Variants in ONECUT3 observed in about 807,000 individuals in gnomAD.
The protein encoded by ONECUT3 is one cut domain family member 3.
ONECUT3 carries 11 observed loss-of-function variants against 16.8 expected under a neutral mutation model. The observed-to-expected ratio is 0.66, with a 90% CI of 0.41 to 1.09. ONECUT3 has a LOEUF of 1.09. Among genes scored for constraint, ONECUT3 ranks in the 50% least tolerant of loss-of-function variants. The pLI is 0.00. For missense variants in ONECUT3, 637 were observed against 629.9 expected, an observed-to-expected ratio of 1.01 and a Z score of -0.12; for synonymous variants, 344 against 310.7, an observed-to-expected ratio of 1.11 and a Z score of -1.13.
chr19:1,757,738 G>C (rs376688222), intron 1 of ONECUT3, among the ~76,000 whole-genome samples: 23 of 152,250 alleles, frequency 1.5e-4, no homozygotes, highest in African/African-American at 5.5e-4. Context: ...CTTTAGTTCC[G>C]GTCGCTGCGC....
chr19:1,770,255 G>A (rs893989489), intron 1 of ONECUT3, among the ~76,000 whole-genome samples: 1 of 152,094 alleles, frequency 6.6e-6, no homozygotes, highest in Admixed American at 6.6e-5. Context: ...ATATATATAT[G>A]TTTGTGGGGG....
intron 1 of ONECUT3, among the ~76,000 whole-genome samples, chr19:1,757,477 C>A (rs1221825384): frequency 6.6e-6 from 1 of 152,260 alleles, no homozygotes; most frequent in Non-Finnish European, 1.5e-5. Flanking sequence ...GCACCCCGAG[C>A]CTCCCGCAGG....
At chr19:1,761,602 G>A (rs1463262487) in intron 1 of ONECUT3, among the ~76,000 whole-genome samples, 1 of 152,250 alleles carries the variant, frequency 6.6e-6, no homozygotes, top group Non-Finnish European at 1.5e-5. Flanking sequence ...GCTGTTAGGA[G>A]GGAGGCTGAG....
rs1216958900 is a variant in ONECUT3, at chr19:1,759,801, G to C, written c.1192+4947G>C. 6.6e-6 allele frequency among the ~76,000 whole-genome samples: 1 copy of C among 152,160 alleles called. No individual in the cohort carries two copies. Among genetic ancestry groups the C allele is most frequent in the Non-Finnish European group, 1.5e-5 (1 of 68,028 alleles). ...GGTATGAGGGGCTGGAGGGGCTCAG[G>C]GGTCTGAAGGGGCCACCGTAGGTTT... On this transcript the variant is annotated intron_variant, in intron 1 of 1. Coordinates refer to ENST00000382349, the MANE Select transcript of ONECUT3 (RefSeq NM_001080488.2). The surrounding 1 kb of genome is among the most constrained non-coding windows in gnomAD (Gnocchi z 4.1).
At chr19:1,763,835 G>A (rs1030212204) in intron 1 of ONECUT3, among the ~76,000 whole-genome samples, 3 of 150,538 alleles carry the variant, frequency 2.0e-5, no homozygotes, top group Non-Finnish European at 4.4e-5. Flanking sequence ...TTTGCCGGCC[G>A]CCTAGTACTC....
In ONECUT3 at chr19:1,776,158, G is replaced by C. The variant is rs1422288611; in HGVS notation, c.*713G>C. ...CGGCGGGCGCCCAGCACCTACGGGC[G>C]AGCACCCTTCCCACCCCATCCCAGG... On this transcript the variant is annotated 3_prime_UTR_variant, in exon 2 of 2. Transcript: ENST00000382349. This position sits in a 1 kb window ranked among gnomAD's most constrained non-coding sequence, Gnocchi z 4.9. The C allele has an allele frequency of 6.6e-6, 1 of 151,914 alleles. No homozygotes were observed. Among genetic ancestry groups the C allele is most frequent in the Non-Finnish European group, 1.5e-5 (1 of 68,018 alleles). 9.4% of individuals were successfully genotyped at this position (151,914 alleles called of 1,614,324 possible). A position where few individuals can be genotyped will look rare whatever the true frequency, so the allele number is the denominator to read the frequency against.
chr19:1,758,448 G>A lies in ONECUT3; in HGVS notation c.1192+3594G>A, dbSNP rs911471557. ...GGTAGGACTTGGGAGAGGGGAATAG[G>A]TGTTTTCCTTGTTTCACCAAAGCAC... On this transcript the variant is annotated intron_variant, in intron 1 of 1. Coordinates refer to ENST00000382349, the MANE Select transcript of ONECUT3 (RefSeq NM_001080488.2). The surrounding 1 kb of genome is among the most constrained non-coding windows in gnomAD (Gnocchi z 5.9). Among the ~76,000 whole-genome samples, 5 of 152,132 alleles carry A rather than the reference G, an allele frequency of 3.3e-5. No homozygotes were observed. The highest frequency in any genetic ancestry group is 5.9e-5 in the Non-Finnish European group (4 of 68,016).
intron 1 of ONECUT3, among the ~76,000 whole-genome samples, chr19:1,773,048 T>C (rs1388480969): frequency 6.6e-6 from 1 of 152,134 alleles, no homozygotes; most frequent in Non-Finnish European, 1.5e-5. Flanking sequence ...GGAATTATTT[T>C]ACTCTGGCTG....
At chr19:1,772,860 A>ATTTT (rs759006591) in intron 1 of ONECUT3, among the ~76,000 whole-genome samples, 4 of 107,212 alleles carry the variant, frequency 3.7e-5, no homozygotes, top group African/African-American at 3.9e-5. Context: ...CGTCCAGCTA[A>ATTTT]TTTTTTTTTT....
intron 1 of ONECUT3, among the ~76,000 whole-genome samples, chr19:1,769,100 GAGGAGA>G (rs1380229601): frequency 3.7e-4 from 55 of 150,188 alleles, no homozygotes; most frequent in Admixed American, 9.3e-4. Flanking sequence ...GGTGATGGAG[GAGGAGA>G]TGCTGGAGGT....
Position 1,754,430 on chromosome 19 carries a change from G to C in ONECUT3, c.768G>C (p.Glu256Asp), listed in dbSNP as rs2067905624. ...ACGCCGCGCTGCTGGGACGCGCGGA[G>C]GACGCACTGGCCCGCGGGCTGCCCG... ...EPHAALLGRA[E>D]DALARGLPGG... Residue 256 changes from glutamate (E) to aspartate (D), a missense_variant, in exon 1 of 2, where the codon GAG (glutamate) becomes GAC (aspartate). Around this residue, in one of 3 missense-constraint regions of ONECUT3, gnomAD observed 419 missense variants for 377.9 expected, o/e 1.11. Coordinates refer to ENST00000382349, the MANE Select transcript of ONECUT3 (RefSeq NM_001080488.2). This position sits in a 1 kb window ranked among gnomAD's most constrained non-coding sequence, Gnocchi z 7.4. 2 of 1,034,950 alleles carry C rather than the reference G, an allele frequency of 1.9e-6. No homozygotes were observed. The highest frequency in any genetic ancestry group is 3.5e-5 in the African/African-American group (2 of 57,476). 64.1% of individuals were successfully genotyped at this position (1,034,950 alleles called of 1,614,324 possible).
chr19:1,772,716 G>A (rs1355604609), intron 1 of ONECUT3, among the ~76,000 whole-genome samples: 2 of 85,086 alleles, frequency 2.4e-5, no homozygotes, highest in Non-Finnish European at 4.5e-5. Flanking sequence ...TTTTTGAGAT[G>A]GAGTTTCACT....
chr19:1,778,448 C>A lies in ONECUT3; in HGVS notation c.*3003C>A, dbSNP rs1600369496. 6.6e-6 allele frequency: 1 copy of A among 152,200 alleles called. No homozygotes were observed. The highest frequency in any genetic ancestry group is 6.5e-5 in the Admixed American group (1 of 15,278). The allele number at this position is 152,200 out of a possible 1,614,324, so 9.4% of individuals were successfully genotyped here. On this transcript the variant is annotated 3_prime_UTR_variant, in exon 2 of 2. Coordinates refer to ENST00000382349, the MANE Select transcript of ONECUT3 (RefSeq NM_001080488.2). ...TAAAATGCTTCTGATCCAAGAGAAT[C>A]ACGCTGCAGCCCTGGCCCAGTGAGC...
chr19:1,770,746 C>T (rs1475097118), intron 1 of ONECUT3, among the ~76,000 whole-genome samples: 1 of 152,160 alleles, frequency 6.6e-6, no homozygotes, highest in Non-Finnish European at 1.5e-5. Flanking sequence ...TGGCCGAGTG[C>T]CAAAGAGGTG....
In ONECUT3 at chr19:1,754,094, C is replaced by G. The variant is rs2067903215; in HGVS notation, c.432C>G (p.His144Gln). The change falls in exon 1 of 2, where the codon CAC becomes CAG. Residue 144 changes from histidine (H) to glutamine (Q), a missense_variant. Physicochemically the swap from His to Gln is conservative, Grantham distance 24 (BLOSUM62 0). This residue lies in a region of ONECUT3 where 419 missense variants were observed against 377.9 expected (regional missense o/e 1.11). Coordinates refer to ENST00000382349, the MANE Select transcript of ONECUT3 (RefSeq NM_001080488.2). This position sits in a 1 kb window ranked among gnomAD's most constrained non-coding sequence, Gnocchi z 7.4. Reference sequence around the variant, plus strand: ...CGCACGGCGGCCATCCCCACGCGCACCCGCACCCGGCGGCCGCGCCGCCCC... The same window carrying G: ...CGCACGGCGGCCATCCCCACGCGCAGCCGCACCCGGCGGCCGCGCCGCCCC... Reference protein sequence around the residue: ...AGAHGGHPHAHPHPAAAPPPP... With the variant: ...AGAHGGHPHAQPHPAAAPPPP... 2 of 1,013,080 alleles carry G rather than the reference C, an allele frequency of 2.0e-6. No homozygotes were observed. The highest frequency in any genetic ancestry group is 2.4e-6 in the Non-Finnish European group (2 of 850,690). The allele number at this position is 1,013,080 out of a possible 1,614,324, so 62.8% of individuals were successfully genotyped here.
rs937922500 is a variant in ONECUT3, at chr19:1,775,539, C to T, written c.*94C>T. On this transcript the variant is annotated 3_prime_UTR_variant, in exon 2 of 2. Coordinates refer to ENST00000382349, the MANE Select transcript of ONECUT3 (RefSeq NM_001080488.2). ...ATCCTGCCGGCCCGGAGACCCGCCC[C>T]CAGGGGGCACCTGGAGGGGGTGCTA... is the stretch of plus-strand genomic sequence containing the variant. 70 of 1,280,878 alleles carry T rather than the reference C, an allele frequency of 5.5e-5. No individual in the cohort carries two copies. The highest frequency in any genetic ancestry group is 7.1e-5 in the Non-Finnish European group (70 of 980,864). The allele number at this position is 1,280,878 out of a possible 1,614,324, so 79.3% of individuals were successfully genotyped here.
rs147601844 is a variant in ONECUT3, at chr19:1,766,808, A to AC, written c.1193-8335dup. 0.03 allele frequency among the ~76,000 whole-genome samples: 3,998 copies of AC among 132,952 alleles called. 137 individuals carry two copies. The highest frequency in any genetic ancestry group is 0.082 in the African/African-American group (3,047 of 36,992). The allele number at this position is 132,952 out of a possible 152,430, so 87.2% of individuals were successfully genotyped here. ...GCAGGGTCTTGCAGGCTGGGCTGAGACCCCCCCCCCATGCTCCACCACCCT... is the reference window on the plus strand; with the variant it reads ...GCAGGGTCTTGCAGGCTGGGCTGAGACCCCCCCCCCCATGCTCCACCACCCT... On this transcript the variant is annotated intron_variant, in intron 1 of 1. Coordinates refer to ENST00000382349, the MANE Select transcript of ONECUT3 (RefSeq NM_001080488.2). This position sits in a 1 kb window ranked among gnomAD's most constrained non-coding sequence, Gnocchi z 4.0.
At chr19:1,760,807 G>A (rs143031505) in intron 1 of ONECUT3, among the ~76,000 whole-genome samples, 1,952 of 152,170 alleles carry the variant, frequency 0.013, 30 homozygotes, top group African/African-American at 0.042. Flanking sequence ...AGGGACGCTC[G>A]CCCCCAACAC....
intron 1 of ONECUT3, among the ~76,000 whole-genome samples, chr19:1,763,366 CAAAAAAAA>C (rs201101328): frequency 2.5e-3 from 91 of 36,834 alleles, no homozygotes; most frequent in African/African-American, 3.0e-3. Context: ...GACTCCATCT[CAAAAAAAA>C]AAAAAAAAAA....
Sources: gnomAD v4.1 joint callset for allele counts (sites outside exome capture counted in the v4.1 genomes callset) on GRCh38, gnomAD v4.1.1 for gene constraint, gnomAD v4.1.1 regional missense constraint, Gnocchi (gnomAD v3.1) non-coding constraint, MANE v1.5 for transcripts, NCBI Gene and HGNC (gene_info 2026-07-23, HGNC 2026-07-21) for gene names.